Variants in NCOA2 observed in about 807,000 individuals in gnomAD.
NCOA2 encodes the protein class E basic helix-loop-helix protein 75.
Under a neutral mutation model 145.1 loss-of-function variants are expected in NCOA2, and 21 were observed. The observed-to-expected ratio is 0.14, with a 90% CI of 0.10 to 0.21. The LOEUF is 0.21. Among genes scored for constraint, NCOA2 ranks in the 10% least tolerant of loss-of-function variants. The pLI is 1.00. For missense variants in NCOA2, 1,472 were observed against 1,837.6 expected, an observed-to-expected ratio of 0.80 and a Z score of 3.64; for synonymous variants, 619 against 637.5, an observed-to-expected ratio of 0.97 and a Z score of 0.44.
chr8:70,218,902 C>A (rs1367332919), intron 2 of NCOA2, among the ~76,000 whole-genome samples: 6 of 152,082 alleles, frequency 3.9e-5, no homozygotes, highest in Non-Finnish European at 4.4e-5. Flanking sequence ...GCTATTCCCC[C>A]CCTCAAAAGC....
chr8:70,337,377 G>A (rs914471745), intron 1 of NCOA2, among the ~76,000 whole-genome samples: 6 of 152,132 alleles, frequency 3.9e-5, no homozygotes, highest in Non-Finnish European at 7.3e-5. Flanking sequence ...GAATTTGGAC[G>A]CAACTTTCCA....
At chr8:70,143,106 C>T (rs889735510) in intron 13 of NCOA2, among the ~76,000 whole-genome samples, 13 of 151,986 alleles carry the variant, frequency 8.6e-5, no homozygotes, top group African/African-American at 2.7e-4. Flanking sequence ...CACGCCACCA[C>T]GCCCATTTAA....
chr8:70,115,542 G>A (rs1807000199), intron 22 of NCOA2, among the ~76,000 whole-genome samples: 1 of 152,178 alleles, frequency 6.6e-6, no homozygotes, highest in African/African-American at 2.4e-5. Context: ...TGTTTAAATA[G>A]TTCTTGGAAC....
chr8:70,267,994 T>C (rs1410055656), intron 2 of NCOA2, among the ~76,000 whole-genome samples: 20 of 152,226 alleles, frequency 1.3e-4, no homozygotes, highest in Admixed American at 1.2e-3. Context: ...GAATTCATTA[T>C]TGATCAACTA....
At chr8:70,381,308 A>G (rs376116291) in intron 1 of NCOA2, among the ~76,000 whole-genome samples, 1 of 152,186 alleles carries the variant, frequency 6.6e-6, no homozygotes, top group Admixed American at 6.5e-5. Context: ...CAGCGTAATA[A>G]CAACAGAATA....
intron 2 of NCOA2, among the ~76,000 whole-genome samples, chr8:70,293,850 C>T (rs1826886993): frequency 6.6e-6 from 1 of 152,078 alleles, no homozygotes; most frequent in Non-Finnish European, 1.5e-5. Context: ...AATCATAGTT[C>T]AGTCTGTTCA....
chr8:70,323,853 C>T (rs1363092935), intron 1 of NCOA2, among the ~76,000 whole-genome samples: 1 of 152,114 alleles, frequency 6.6e-6, no homozygotes. Flanking sequence ...TATGTATATA[C>T]AAACACAACT....
intron 2 of NCOA2, among the ~76,000 whole-genome samples, chr8:70,274,667 T>C (rs1198148301): frequency 6.6e-6 from 1 of 152,222 alleles, no homozygotes; most frequent in Non-Finnish European, 1.5e-5. Context: ...CAAGCAAATA[T>C]TTATTCTCAT....
upstream of NCOA2, among the ~76,000 whole-genome samples, chr8:70,404,980 A>C (rs555508811): frequency 1.3e-5 from 2 of 152,364 alleles, no homozygotes; most frequent in Non-Finnish European, 2.9e-5. Context: ...GTAGACAATA[A>C]GAGTGTTTAT....
At chr8:70,420,771 A>G in the NCOA2 span, among the ~76,000 whole-genome samples, 253 of 152,142 alleles carry the variant, frequency 1.7e-3, no homozygotes, top group African/African-American at 5.5e-3. Context: ...CAGCCTCCCG[A>G]GTAGCTGGGA....
chr8:70,181,065 T>C (rs1044439030), intron 4 of NCOA2, among the ~76,000 whole-genome samples: 2 of 152,282 alleles, frequency 1.3e-5, no homozygotes, highest in Non-Finnish European at 2.9e-5. Flanking sequence ...CTTAATCTCA[T>C]AGTATTAGGT....
chr8:70,339,189 T>C (rs909352912), intron 1 of NCOA2, among the ~76,000 whole-genome samples: 2 of 152,130 alleles, frequency 1.3e-5, no homozygotes, highest in African/African-American at 2.4e-5. Context: ...GAAAACCCCA[T>C]AGTCTCAGCC....
the NCOA2 span, among the ~76,000 whole-genome samples, chr8:70,427,385 G>GA: frequency 6.6e-6 from 1 of 152,150 alleles, no homozygotes; most frequent in Non-Finnish European, 1.5e-5. Context: ...CATAAGTAGG[G>GA]ATGTGTTCAC....
chr8:70,156,961 G>A lies in NCOA2; in HGVS notation c.1404C>T (p.Asn468=). The change falls in exon 11 of 23, where the codon AAC becomes AAT. Residue 468 remains asparagine (N), a synonymous_variant. Transcript: ENST00000452400. The part of the protein sequence containing the change: ...PQGSNYALKM[N]SPSQSSPGMN... ...TGCCAGGGCTGCTTTGTGAGGGGCTGTTCATTTTGAGTGCATAGTTACTAC... is the reference window on the plus strand; with the variant it reads ...TGCCAGGGCTGCTTTGTGAGGGGCTATTCATTTTGAGTGCATAGTTACTAC... 6.2e-7 allele frequency: 1 copy of A among 1,614,046 alleles called. No individual in the cohort carries two copies. Among genetic ancestry groups the A allele is most frequent in the African/African-American group, 1.3e-5 (1 of 75,060 alleles).
chr8:70,434,045 T>C, the NCOA2 span, among the ~76,000 whole-genome samples: 1 of 152,114 alleles, frequency 6.6e-6, no homozygotes, highest in Non-Finnish European at 1.5e-5. Context: ...TGGAAGTGAA[T>C]GAAATTGCAC....
At chr8:70,304,772 G>C (rs1827761044) in intron 1 of NCOA2, among the ~76,000 whole-genome samples, 1 of 151,966 alleles carries the variant, frequency 6.6e-6, no homozygotes, top group South Asian at 2.1e-4. Context: ...TGGGATTACA[G>C]GTGTGAGCCA....
intron 22 of NCOA2, among the ~76,000 whole-genome samples, chr8:70,119,699 G>A (rs1205324024): frequency 6.6e-6 from 1 of 152,032 alleles, no homozygotes; most frequent in Non-Finnish European, 1.5e-5. Flanking sequence ...CTATCTTGCC[G>A]ACATCTGTTA....
chr8:70,291,736 A>G (rs1826696292), intron 2 of NCOA2, among the ~76,000 whole-genome samples: 1 of 152,188 alleles, frequency 6.6e-6, no homozygotes, highest in Admixed American at 6.5e-5. Context: ...CAAAACATTT[A>G]CTAATGATAG....
At chr8:70,149,581 TA>T (rs756351455) in intron 11 of NCOA2, among the ~76,000 whole-genome samples, 50 of 143,054 alleles carry the variant, frequency 3.5e-4, no homozygotes, top group Admixed American at 5.6e-4. Flanking sequence ...TCTCTTCCAT[TA>T]AAAAAAAAAA....
Sources: allele counts gnomAD v4.1 joint callset (sites outside exome capture counted in the v4.1 genomes callset), GRCh38; gene constraint gnomAD v4.1.1; transcripts MANE v1.5; gene names NCBI Gene and HGNC (gene_info 2026-07-23, HGNC 2026-07-21).